The following IQCH variants were observed in gnomAD, a reference collection of about 807,000 sequenced individuals.
The protein encoded by IQCH is IQ motif containing H, also known as IQ domain-containing protein H.
In IQCH, 98 loss-of-function variants were observed where a neutral mutation model predicts 117.0. The ratio of observed to expected loss-of-function variants is 0.84; its 90% CI spans 0.71 to 0.99. The LOEUF (loss-of-function observed/expected upper bound fraction) is 0.99, where lower values mean the gene tolerates loss of function less well. Among genes scored for constraint, IQCH ranks in the 50% least tolerant of loss-of-function variants. The probability of loss-of-function intolerance (pLI) is 0.00; values close to 1 mark genes in which losing one functional copy is unlikely to be tolerated. For synonymous variants in IQCH, 412 were observed against 448.2 expected, an observed-to-expected ratio of 0.92 and a Z score of 1.02; for missense variants, 1,102 against 1,243.8, an observed-to-expected ratio of 0.89 and a Z score of 1.72.
chr15:67,274,371 TCTGA>T (rs1192348055), intron 3 of IQCH, among the ~76,000 whole-genome samples: 1 of 152,192 alleles, frequency 6.6e-6, no homozygotes, highest in African/African-American at 2.4e-5. Flanking sequence ...ATTTTTCTTC[TCTGA>T]CTGTGTGTTC....
Position 67,276,614 on chromosome 15 carries a change from G to GT in IQCH, c.270-2775dup, listed in dbSNP as rs1188009708. Reference sequence around the variant, plus strand: ...AAGGATAATTTTTGCAGGTTAGTGGGTTTTTTCTTTCCACATTTTAAATAT... The same window carrying GT: ...AAGGATAATTTTTGCAGGTTAGTGGGTTTTTTTCTTTCCACATTTTAAATAT... On this transcript the variant is annotated intron_variant, in intron 3 of 20. Transcript: ENST00000335894. Among the ~76,000 whole-genome samples the GT allele has an allele frequency of 2.0e-5, 3 of 151,614 alleles. 1 individual carries two copies. The highest frequency in any genetic ancestry group is 7.3e-5 in the African/African-American group (3 of 41,250).
intron 5 of IQCH, among the ~76,000 whole-genome samples, chr15:67,339,631 T>G (rs1268831039): frequency 1.3e-5 from 2 of 152,206 alleles, no homozygotes; most frequent in African/African-American, 4.8e-5. Flanking sequence ...ACTTCAGGAC[T>G]CTATTAAAAG....
Position 67,494,359 on chromosome 15 carries a change from A to G in IQCH, c.2963A>G (p.Asn988Ser), listed in dbSNP as rs1197505949. Residue 988 changes from asparagine to serine, a missense_variant, in exon 20 of 21, where the codon AAT (asparagine) becomes AGT (serine). Asn to Ser is a conservative substitution (Grantham distance 46, BLOSUM62 1). Transcript: ENST00000335894. This position sits in a 1 kb window ranked among gnomAD's most constrained non-coding sequence, Gnocchi z 5.5. Reference protein sequence around the residue: ...ISAPNMQGETNFKTTIADIET... With the variant: ...ISAPNMQGETSFKTTIADIET... ...GCACCTAATATGCAAGGCGAGACCA[A>G]TTTTAAGGTGAGGTGTTAATTAACT... The G allele has an allele frequency of 3.1e-6, 5 of 1,605,686 alleles. No individual in the cohort carries two copies. Among genetic ancestry groups the G allele is most frequent in the Non-Finnish European group, 4.3e-6 (5 of 1,174,862 alleles).
rs1165897553 is a variant in IQCH, at chr15:67,457,069, A to C, written c.2506-8058A>C. On this transcript the variant is annotated intron_variant, in intron 16 of 20. Transcript: ENST00000335894. The surrounding 1 kb of genome is among the most constrained non-coding windows in gnomAD (Gnocchi z 5.7). Reference sequence around the variant, plus strand: ...ACCGGGGTGACTGCCCTGTACAGCGACAACTGCCGTTCTTCACTTCTCCAA... The same window carrying C: ...ACCGGGGTGACTGCCCTGTACAGCGCCAACTGCCGTTCTTCACTTCTCCAA... Among the ~76,000 whole-genome samples, 2 of 152,234 alleles carry C rather than the reference A, an allele frequency of 1.3e-5. No individual in the cohort carries two copies. The highest frequency in any genetic ancestry group is 2.9e-5 in the Non-Finnish European group (2 of 68,036).
In IQCH at chr15:67,413,695, C is replaced by CT. The variant is rs1325730229; in HGVS notation, c.2098-3230dup. 6.6e-6 allele frequency among the ~76,000 whole-genome samples: 1 copy of CT among 152,076 alleles called. No individual in the cohort carries two copies. The highest frequency in any genetic ancestry group is 6.5e-5 in the Admixed American group (1 of 15,274). Reference sequence around the variant, plus strand: ...TACCTCGCATTATTCCTCTCCATGCCTTTTTTCTTAGAGAATGAATCATGG... The same window carrying CT: ...TACCTCGCATTATTCCTCTCCATGCCTTTTTTTCTTAGAGAATGAATCATGG... On this transcript the variant is annotated intron_variant, in intron 14 of 20. Coordinates refer to ENST00000335894, the MANE Select transcript of IQCH (RefSeq NM_001031715.3). This position sits in a 1 kb window ranked among gnomAD's most constrained non-coding sequence, Gnocchi z 5.0.
rs1168664086 is a variant in IQCH, at chr15:67,465,192, C to G, written c.2571C>G (p.Tyr857Ter). The G allele has an allele frequency of 6.2e-7, 1 of 1,614,026 alleles. No homozygotes were observed. Among genetic ancestry groups the G allele is most frequent in the Non-Finnish European group, 8.5e-7 (1 of 1,180,038 alleles). ...DQLALTQLTL[Y>*]LTNGHLDCSL... ...TGGCCCTGACTCAACTCACCTTATA[C>G]CTGACAAACGGCCATCTGGATTGCA... The change falls in exon 17 of 21, where the codon TAC becomes TAG. Residue 857 changes from tyrosine (Y) to a stop codon, truncating the protein, a stop_gained. Coordinates refer to ENST00000335894, the MANE Select transcript of IQCH (RefSeq NM_001031715.3). LOFTEE classifies it high-confidence loss of function. The surrounding 1 kb of genome is among the most constrained non-coding windows in gnomAD (Gnocchi z 5.9).
chr15:67,334,473 CT>C (rs1171442437), intron 4 of IQCH, among the ~76,000 whole-genome samples: 1 of 152,196 alleles, frequency 6.6e-6, no homozygotes, highest in Non-Finnish European at 1.5e-5. Flanking sequence ...ATTGCTACCA[CT>C]TTTACTACCT....
chr15:67,299,858 C>T (rs1031057343), intron 4 of IQCH, among the ~76,000 whole-genome samples: 8 of 152,106 alleles, frequency 5.3e-5, no homozygotes, highest in East Asian at 3.8e-4. Flanking sequence ...CATATCAAGA[C>T]GCAATTTCTT....
Position 67,344,137 on chromosome 15 carries a change from C to T in IQCH, c.583C>T (p.Pro195Ser). The T allele has an allele frequency of 1.9e-6, 3 of 1,613,708 alleles. No homozygotes were observed. Among genetic ancestry groups the T allele is most frequent in the Non-Finnish European group, 2.5e-6 (3 of 1,179,668 alleles). ...TACCTTTCAGAATCCACCCATTACA[C>T]CCAGAGCAGCTCCTCTGCATAGTTT... ...RITFQNPPIT[P>S]RAAPLHSFDE... is the part of the protein sequence containing the mutation. Residue 195 changes from proline (P) to serine (S), a missense_variant, in exon 6 of 21, where the codon CCC becomes TCC. Transcript: ENST00000335894.
chr15:67,309,345 T>C (rs1967470317), intron 4 of IQCH, among the ~76,000 whole-genome samples: 1 of 152,104 alleles, frequency 6.6e-6, no homozygotes, highest in Non-Finnish European at 1.5e-5. Flanking sequence ...GGATGCTATT[T>C]AATATTTTAC....
At chr15:67,429,242 A>G (rs1278152629) in intron 16 of IQCH, among the ~76,000 whole-genome samples, 1 of 152,208 alleles carries the variant, frequency 6.6e-6, no homozygotes, top group Non-Finnish European at 1.5e-5. Flanking sequence ...GTCTAGGCTC[A>G]GTGGCTCATG....
At chr15:67,321,499 T>TTTTC (rs527770619) in intron 4 of IQCH, among the ~76,000 whole-genome samples, 3 of 150,920 alleles carry the variant, frequency 2.0e-5, no homozygotes, top group Admixed American at 6.6e-5. Flanking sequence ...TTTCTTTCTT[T>TTTTC]TTTCTTTCTT....
In IQCH at chr15:67,407,633, A is replaced by G. The variant is rs1207720858; in HGVS notation, c.2097+7328A>G. 2 of 152,200 alleles carry G rather than the reference A, an allele frequency of 1.3e-5. No homozygotes were observed. Among genetic ancestry groups the G allele is most frequent in the Non-Finnish European group, 2.9e-5 (2 of 68,038 alleles). 9.4% of individuals were successfully genotyped at this position (152,200 alleles called of 1,614,324 possible). A position where few individuals can be genotyped will look rare whatever the true frequency, so the allele number is the denominator to read the frequency against. ...ATGCTTCTAATCAGTACATAAAGCT[A>G]TGGGCCTGCAGTGTTAATTTTTAAT... On this transcript the variant is annotated intron_variant, in intron 14 of 20. Coordinates refer to ENST00000335894, the MANE Select transcript of IQCH (RefSeq NM_001031715.3). This position sits in a 1 kb window ranked among gnomAD's most constrained non-coding sequence, Gnocchi z 5.3.
chr15:67,329,515 A>G (rs1386855140), intron 4 of IQCH, among the ~76,000 whole-genome samples: 1 of 152,084 alleles, frequency 6.6e-6, no homozygotes, highest in Admixed American at 6.6e-5. Flanking sequence ...TCTGTCACTC[A>G]GGCTGGAATG....
At position 67,357,498 on chromosome 15, in the gene IQCH, C is replaced by T. The variant is rs375240983; in HGVS notation, c.714+77C>T. On this transcript the variant is annotated intron_variant, in intron 7 of 20. Coordinates refer to ENST00000335894, the MANE Select transcript of IQCH (RefSeq NM_001031715.3). ...TCTGTGAGATATTTGGTGATTTACA[C>T]GTTATTGAGTTGTACCTTCAACATA... 26 of 945,298 alleles carry T rather than the reference C, an allele frequency of 2.8e-5. No individual in the cohort carries two copies. In the East Asian group the frequency reaches 2.8e-4, roughly 10 times the overall value. The allele number at this position is 945,298 out of a possible 1,614,324, so 58.6% of individuals were successfully genotyped here.
intron 4 of IQCH, among the ~76,000 whole-genome samples, chr15:67,290,142 G>A (rs189999691): frequency 1.2e-3 from 185 of 152,004 alleles, no homozygotes; most frequent in African/African-American, 3.9e-3. Context: ...CATATTTTCC[G>A]TAACTTAATT....
In IQCH at chr15:67,443,202, C is replaced by T. The variant is rs1024507606; in HGVS notation, c.2505+21625C>T. Among the ~76,000 whole-genome samples, 1 of 152,178 alleles carries T rather than the reference C, an allele frequency of 6.6e-6. No individual in the cohort carries two copies. Among genetic ancestry groups the T allele is most frequent in the Non-Finnish European group, 1.5e-5 (1 of 68,046 alleles). On this transcript the variant is annotated intron_variant, in intron 16 of 20. Transcript: ENST00000335894. The surrounding 1 kb of genome is among the most constrained non-coding windows in gnomAD (Gnocchi z 5.0). ...AGAGACGGGGTTTCACCGTGTTAAC[C>T]AGGATGGTCTCGATCTCCTGAACTC...
rs1451419910 is a variant in IQCH, at chr15:67,496,945, G to A, written c.2970+2579G>A. 4.1e-5 allele frequency among the ~76,000 whole-genome samples: 6 copies of A among 147,022 alleles called. No individual in the cohort carries two copies. Among genetic ancestry groups the A allele is most frequent in the Non-Finnish European group, 8.9e-5 (6 of 67,176 alleles). On this transcript the variant is annotated intron_variant, in intron 20 of 20. Coordinates refer to ENST00000335894, the MANE Select transcript of IQCH (RefSeq NM_001031715.3). The surrounding 1 kb of genome is among the most constrained non-coding windows in gnomAD (Gnocchi z 4.4). ...AGGCAGGAGAATGGCGTGAACCCGG[G>A]AAGCGGAGCTTGCAGTGAGCCGAGA...
chr15:67,284,894 T>G (rs1214270691), intron 4 of IQCH, among the ~76,000 whole-genome samples: 1 of 152,224 alleles, frequency 6.6e-6, no homozygotes, highest in Non-Finnish European at 1.5e-5. Context: ...TCTTTGCTAC[T>G]GTGAATAGTG....
Sources: allele counts gnomAD v4.1 joint callset (sites outside exome capture counted in the v4.1 genomes callset), GRCh38; gene constraint gnomAD v4.1.1; non-coding constraint Gnocchi (gnomAD v3.1); transcripts MANE v1.5; gene names NCBI Gene and HGNC (gene_info 2026-07-23, HGNC 2026-07-21).